CCNJ: variants seen among roughly 807,000 people sequenced by gnomAD.
CCNJ encodes the protein cyclin-J.
In CCNJ, 12 loss-of-function variants were observed where a neutral mutation model predicts 41.4. That is an observed-to-expected ratio of 0.29 (90% confidence interval 0.19 to 0.47). The LOEUF is 0.47. Among genes scored for constraint, CCNJ ranks in the 20% least tolerant of loss-of-function variants. The pLI, the probability that CCNJ is intolerant of heterozygous loss-of-function variation, is 1.00. For missense variants in CCNJ, 340 were observed against 464.6 expected, an observed-to-expected ratio of 0.73 and a Z score of 2.47; for synonymous variants, 161 against 173.4, an observed-to-expected ratio of 0.93 and a Z score of 0.56.
chr10:96,054,914 C>T (rs1289297374), intron 3 of CCNJ, among the ~76,000 whole-genome samples: 1 of 152,174 alleles, frequency 6.6e-6, no homozygotes, highest in Non-Finnish European at 1.5e-5. Context: ...GCCAGTATTG[C>T]TGTTGCTTCA....
intron 3 of CCNJ, among the ~76,000 whole-genome samples, chr10:96,053,181 C>T (rs1190334479): frequency 1.7e-5 from 1 of 58,676 alleles, no homozygotes; most frequent in Non-Finnish European, 3.8e-5. Flanking sequence ...AAGAAAGGGC[C>T]TACAGATTAT....
Position 96,058,859 on chromosome 10 carries a change from G to T in CCNJ, c.*618G>T. The T allele has an allele frequency of 5.3e-6, 1 of 186,994 alleles. No homozygotes were observed. Among genetic ancestry groups the T allele is most frequent in the Non-Finnish European group, 1.1e-5 (1 of 91,490 alleles). The allele number at this position is 186,994 out of a possible 1,614,324, so 11.6% of individuals were successfully genotyped here. ...ATCTGGGTTTATATACTAAAATTAA[G>T]GGTGGAGAAGATCTTATTTTTTAAA... On this transcript the variant is annotated 3_prime_UTR_variant, in exon 6 of 6. Coordinates refer to ENST00000465148, the MANE Select transcript of CCNJ (RefSeq NM_001134375.2).
In CCNJ at chr10:96,058,143, A is replaced by G. The variant is rs2080745151; in HGVS notation, c.1054A>G (p.Ile352Val). ...MQTGVGMSLAIPVEVKPCLSV... is the reference protein window; with the variant it reads ...MQTGVGMSLAVPVEVKPCLSV... Reference sequence around the variant, plus strand: ...GACTGGTGTTGGGATGTCACTGGCAATACCAGTAGAAGTTAAGCCCTGTCT... The same window carrying G: ...GACTGGTGTTGGGATGTCACTGGCAGTACCAGTAGAAGTTAAGCCCTGTCT... The change falls in exon 6 of 6, where the codon ATA (isoleucine) becomes GTA (valine). Residue 352 changes from isoleucine (I) to valine (V), a missense_variant. Coordinates refer to ENST00000465148, the MANE Select transcript of CCNJ (RefSeq NM_001134375.2). 6.2e-7 allele frequency: 1 copy of G among 1,613,976 alleles called. No individual in the cohort carries two copies. Among genetic ancestry groups the G allele is most frequent in the Non-Finnish European group, 8.5e-7 (1 of 1,179,802 alleles).
intron 2 of CCNJ, among the ~76,000 whole-genome samples, chr10:96,046,591 A>G (rs905365585): frequency 6.6e-6 from 1 of 152,180 alleles, no homozygotes; most frequent in African/African-American, 2.4e-5. Context: ...AACCTTATCT[A>G]TAATTTAGAG....
At chr10:96,043,356 G>T, upstream of CCNJ, 1 of 340,436 alleles carries the variant, frequency 2.9e-6, no homozygotes, top group Non-Finnish European at 5.3e-6. Context: ...GAGCGCCCCG[G>T]CAACCGAAGC....
In CCNJ at chr10:96,058,498, T is replaced by G; in HGVS notation, c.*257T>G. 2.0e-6 allele frequency: 1 copy of G among 502,184 alleles called. No individual in the cohort carries two copies. Among genetic ancestry groups the G allele is most frequent in the East Asian group, 3.0e-5 (1 of 33,448 alleles). The allele number at this position is 502,184 out of a possible 1,614,324, so 31.1% of individuals were successfully genotyped here. A position where few individuals can be genotyped will look rare whatever the true frequency, so the allele number is the denominator to read the frequency against. On this transcript the variant is annotated 3_prime_UTR_variant, in exon 6 of 6. Transcript: ENST00000465148. ...TTCAAGTCCTGGCTGATGGTCCAAA[T>G]ATTTCAAAAATATTCAGTACAACAG...
At chr10:96,053,627 A>G (rs1240252316) in intron 3 of CCNJ, among the ~76,000 whole-genome samples, 1 of 152,186 alleles carries the variant, frequency 6.6e-6, no homozygotes, top group African/African-American at 2.4e-5. Context: ...AAGATTTCTC[A>G]TAATTTGCTC....
rs1284531757 is a variant in CCNJ at position 96,058,410 on chromosome 10, G to A, written c.*169G>A. On this transcript the variant is annotated 3_prime_UTR_variant, in exon 6 of 6. Coordinates refer to ENST00000465148, the MANE Select transcript of CCNJ (RefSeq NM_001134375.2). ...CTTTTTAATGCACCATGAATCCTGG[G>A]AGACTAAGCAAATTAACAGTATGTC... 37 of 574,562 alleles carry A rather than the reference G, an allele frequency of 6.4e-5. No individual in the cohort carries two copies. The highest frequency in any genetic ancestry group is 1.1e-4 in the Non-Finnish European group (35 of 325,954). The allele number at this position is 574,562 out of a possible 1,614,324, so 35.6% of individuals were successfully genotyped here. A position where few individuals can be genotyped will look rare whatever the true frequency, so the allele number is the denominator to read the frequency against.
chr10:96,057,534 TG>T (rs2080726207), intron 5 of CCNJ, among the ~76,000 whole-genome samples: 1 of 152,190 alleles, frequency 6.6e-6, no homozygotes, highest in African/African-American at 2.4e-5. Flanking sequence ...CTAACATCAT[TG>T]AATTTTGGGG....
In CCNJ at chr10:96,059,180, G is replaced by A. The variant is rs117457823; in HGVS notation, c.*939G>A. The stretch of plus-strand genomic sequence containing the variant: ...CAATCCATGATTTATACTCAGAATC[G>A]ACATTCTTAAAAAGTTATTTCAAGG... On this transcript the variant is annotated 3_prime_UTR_variant, in exon 6 of 6. Coordinates refer to ENST00000465148, the MANE Select transcript of CCNJ (RefSeq NM_001134375.2). 1.3e-5 allele frequency: 2 copies of A among 152,626 alleles called. No individual in the cohort carries two copies. Among genetic ancestry groups the A allele is most frequent in the East Asian group, 3.9e-4 (2 of 5,182 alleles). 9.5% of individuals were successfully genotyped at this position (152,626 alleles called of 1,614,324 possible).
intron 3 of CCNJ, among the ~76,000 whole-genome samples, chr10:96,054,951 A>T (rs1169527244): frequency 6.6e-6 from 1 of 152,214 alleles, no homozygotes; most frequent in Admixed American, 6.5e-5. Flanking sequence ...TGAAAGCTGT[A>T]ATGATTCATC....
intron 2 of CCNJ, 50 bp downstream of exon 2, chr10:96,044,512 G>A: frequency 7.3e-7 from 1 of 1,370,842 alleles, no homozygotes; most frequent in Non-Finnish European, 9.8e-7. Context: ...CGCGCCAGTT[G>A]TTCTGAATCT....
At chr10:96,046,455 T>C (rs2080366090) in intron 2 of CCNJ, among the ~76,000 whole-genome samples, 1 of 152,240 alleles carries the variant, frequency 6.6e-6, no homozygotes, top group Non-Finnish European at 1.5e-5. Flanking sequence ...AGGCTATTAA[T>C]TGGTGATTCA....
In CCNJ at chr10:96,057,216, T is replaced by A. The variant is rs1185462557; in HGVS notation, c.709T>A (p.Phe237Ile). 1.2e-6 allele frequency: 2 copies of A among 1,614,000 alleles called. No homozygotes were observed. The highest frequency in any genetic ancestry group is 2.7e-5 in the African/African-American group (2 of 74,942). ...LHRLTAYSWD[F>I]LVQCIERLLI... ...TCGTCTTACTGCCTACTCTTGGGAT[T>A]TCTTAGTGCAGTGTATTGAACGACT... The change falls in exon 5 of 6, where the codon TTC becomes ATC. Residue 237 changes from phenylalanine to isoleucine, a missense_variant. Physicochemically the swap from Phe to Ile is conservative, Grantham distance 21 (BLOSUM62 0). Transcript: ENST00000465148.
Position 96,058,592 on chromosome 10 carries a change from G to A in CCNJ, c.*351G>A. ...GTGGTAGCATCTGGGCCTAATGTTG[G>A]CTTCTAAGTCAAAGACTAAATGTTT... On this transcript the variant is annotated 3_prime_UTR_variant, in exon 6 of 6. Coordinates refer to ENST00000465148, the MANE Select transcript of CCNJ (RefSeq NM_001134375.2). 2.4e-6 allele frequency: 1 copy of A among 415,764 alleles called. No homozygotes were observed. The highest frequency in any genetic ancestry group is 4.2e-6 in the Non-Finnish European group (1 of 235,356). 25.8% of individuals were successfully genotyped at this position (415,764 alleles called of 1,614,324 possible).
intron 3 of CCNJ, among the ~76,000 whole-genome samples, chr10:96,054,864 TA>T (rs2080636313): frequency 6.6e-6 from 1 of 152,216 alleles, no homozygotes; most frequent in South Asian, 2.1e-4. Context: ...ATAATATAAA[TA>T]AACTCATTAA....
At chr10:96,049,127 C>T (rs1391226027) in intron 2 of CCNJ, among the ~76,000 whole-genome samples, 1 of 152,114 alleles carries the variant, frequency 6.6e-6, no homozygotes, top group Non-Finnish European at 1.5e-5. Context: ...TTGATAATAG[C>T]AATCCAACTA....
intron 3 of CCNJ, among the ~76,000 whole-genome samples, chr10:96,055,114 AT>A (rs1332404782): frequency 6.6e-6 from 1 of 152,188 alleles, no homozygotes; most frequent in Non-Finnish European, 1.5e-5. Context: ...AGTATTTGCT[AT>A]TGGCAAAACT....
At chr10:96,051,909 T>G (rs2080535236) in intron 3 of CCNJ, among the ~76,000 whole-genome samples, 1 of 152,226 alleles carries the variant, frequency 6.6e-6, no homozygotes, top group African/African-American at 2.4e-5. Flanking sequence ...TCCCACTGCC[T>G]ATATATTAAG....
Sources: gnomAD v4.1 joint callset for allele counts (sites outside exome capture counted in the v4.1 genomes callset) on GRCh38, gnomAD v4.1.1 for gene constraint, MANE v1.5 for transcripts, NCBI Gene and HGNC (gene_info 2026-07-23, HGNC 2026-07-21) for gene names.